GCSAML: variants seen among roughly 807,000 people sequenced by gnomAD.
The protein encoded by GCSAML is germinal center associated signaling and motility like.
In GCSAML, 9 loss-of-function variants were observed where a neutral mutation model predicts 13.0. The ratio of observed to expected loss-of-function variants is 0.69; its 90% CI spans 0.42 to 1.21. The LOEUF is 1.21. Ranked by LOEUF, GCSAML falls within the 50% of genes most tolerant of loss-of-function variation. The pLI, the probability that GCSAML is intolerant of heterozygous loss-of-function variation, is 0.00. For missense variants in GCSAML, 143 were observed against 153.4 expected, an observed-to-expected ratio of 0.93 and a Z score of 0.36; for synonymous variants, 37 against 52.9, an observed-to-expected ratio of 0.70 and a Z score of 1.31.
chr1:247,517,993 A>G (rs944266590), intron 1 of GCSAML, among the ~76,000 whole-genome samples: 19 of 152,140 alleles, frequency 1.2e-4, no homozygotes, highest in Admixed American at 1.0e-3. Context: ...CAACTGCACC[A>G]ACGTCCTCCT....
intron 2 of GCSAML, among the ~76,000 whole-genome samples, chr1:247,563,194 G>A (rs1020847543): frequency 3.9e-5 from 6 of 151,956 alleles, no homozygotes; most frequent in East Asian, 1.9e-4. Flanking sequence ...GTTAGAATTC[G>A]TAAGACCCTC....
At chr1:247,515,887 C>T (rs1666193843) in intron 1 of GCSAML, among the ~76,000 whole-genome samples, 1 of 152,190 alleles carries the variant, frequency 6.6e-6, no homozygotes, top group Non-Finnish European at 1.5e-5. Flanking sequence ...GTAAACCCAG[C>T]AGTGATCAGA....
intron 2 of GCSAML, among the ~76,000 whole-genome samples, chr1:247,559,562 A>G (rs903059137): frequency 6.6e-6 from 1 of 152,094 alleles, no homozygotes; most frequent in African/African-American, 2.4e-5. Flanking sequence ...TCGGATAGGG[A>G]GGATAGAGGG....
chr1:247,532,599 C>T, intron 2 of GCSAML: 1 of 1,231,156 alleles, frequency 8.1e-7, no homozygotes, highest in African/African-American at 1.5e-5. Context: ...CATCAGTTAG[C>T]AAACATTAAA....
In GCSAML at chr1:247,527,705, A is replaced by G. The variant is rs1383938362; in HGVS notation, c.-148+651A>G. On this transcript the variant is annotated intron_variant, in intron 2 of 5. Transcript: ENST00000366489. The surrounding 1 kb of genome is among the most constrained non-coding windows in gnomAD (Gnocchi z 4.6). ...TAGTGATCAGATAAGTGTGATTAGAATATCCATCATCTCAAACATTTATCG... is the reference window on the plus strand; with the variant it reads ...TAGTGATCAGATAAGTGTGATTAGAGTATCCATCATCTCAAACATTTATCG... 6.6e-6 allele frequency: 1 copy of G among 152,234 alleles called. No homozygotes were observed. Among genetic ancestry groups the G allele is most frequent in the Non-Finnish European group, 1.5e-5 (1 of 68,054 alleles). 9.4% of individuals were successfully genotyped at this position (152,234 alleles called of 1,614,324 possible).
intron 1 of GCSAML, among the ~76,000 whole-genome samples, chr1:247,549,824 A>G (rs978509598): frequency 1.5e-4 from 23 of 152,216 alleles, no homozygotes; most frequent in African/African-American, 5.6e-4. Flanking sequence ...TTCATAATTT[A>G]TAGAATGTGT....
In GCSAML at chr1:247,577,166, A is replaced by C. The variant is rs1668868012; in HGVS notation, c.*2784A>C. ...GCTTTTTAACCTGTAAATTTTGTGA[A>C]GCTTATCTTTTATGCATATAAATAT... is the stretch of plus-strand genomic sequence containing the variant. On this transcript the variant is annotated 3_prime_UTR_variant, in exon 5 of 5. Transcript: ENST00000366488. The C allele has an allele frequency of 6.6e-6, 1 of 152,204 alleles. No homozygotes were observed. The highest frequency in any genetic ancestry group is 2.4e-5 in the African/African-American group (1 of 41,452). The allele number at this position is 152,204 out of a possible 1,614,324, so 9.4% of individuals were successfully genotyped here. A position where few individuals can be genotyped will look rare whatever the true frequency, so the allele number is the denominator to read the frequency against.
intron 2 of GCSAML, among the ~76,000 whole-genome samples, chr1:247,559,554 G>A (rs1302805621): frequency 1.3e-5 from 2 of 152,100 alleles, no homozygotes; most frequent in Non-Finnish European, 2.9e-5. Context: ...GCTTCCTCTC[G>A]GATAGGGAGG....
At chr1:247,519,256 T>A (rs1666332849) in intron 1 of GCSAML, 1 of 152,226 alleles carries the variant, frequency 6.6e-6, no homozygotes, top group Admixed American at 6.5e-5. Context: ...GAAAGATAGA[T>A]GCTGCTACTT....
At chr1:247,532,036 A>G in intron 2 of GCSAML, 1 of 1,613,950 alleles carries the variant, frequency 6.2e-7, no homozygotes, top group Non-Finnish European at 8.5e-7. Context: ...CGTGGAGCCC[A>G]CCATGCTGGT....
intron 1 of GCSAML, among the ~76,000 whole-genome samples, chr1:247,550,330 T>A (rs920297987): frequency 6.6e-6 from 1 of 152,172 alleles, no homozygotes; most frequent in Non-Finnish European, 1.5e-5. Flanking sequence ...TTCAGTAAAT[T>A]GCTATTTGTT....
At chr1:247,539,665 A>G (rs1368132619) in intron 2 of GCSAML, among the ~76,000 whole-genome samples, 2 of 152,224 alleles carry the variant, frequency 1.3e-5, no homozygotes, top group Non-Finnish European at 2.9e-5. Context: ...CCTCGGCCTC[A>G]AACATTGACC....
chr1:247,531,981 G>C lies in GCSAML; in HGVS notation c.-148+4927G>C, dbSNP rs58515573. 3,312 of 1,614,138 alleles carry C rather than the reference G, an allele frequency of 2.1e-3. 48 individuals carry two copies. In the African/African-American group the frequency reaches 0.04, roughly 19 times the overall value. On this transcript the variant is annotated intron_variant, in intron 2 of 5. Transcript: ENST00000366489. Reference sequence around the variant, plus strand: ...TAATGAGGGGCATCTCGCAAAAGAAGTGGTCGATGCAATTGTTCCCACACA... The same window carrying C: ...TAATGAGGGGCATCTCGCAAAAGAACTGGTCGATGCAATTGTTCCCACACA...
At position 247,526,984 on chromosome 1, in the gene GCSAML, C is replaced by A. The variant is rs1353535415; in HGVS notation, c.-218C>A. 2 of 456,698 alleles carry A rather than the reference C, an allele frequency of 4.4e-6. No homozygotes were observed. The highest frequency in any genetic ancestry group is 4.4e-6 in the Non-Finnish European group (1 of 226,968). The allele number at this position is 456,698 out of a possible 1,614,324, so 28.3% of individuals were successfully genotyped here. ...GTTATGTTGGAGGATTCCAATAGTT[C>A]TACTGGATGTGGAGCCAGAAATTGT... is the stretch of plus-strand genomic sequence containing the variant. On this transcript the variant is annotated 5_prime_UTR_variant, in exon 2 of 6. Coordinates refer to the GCSAML transcript ENST00000366489. The surrounding 1 kb of genome is among the most constrained non-coding windows in gnomAD (Gnocchi z 4.8).
At chr1:247,510,664 A>T (rs1401002994) in intron 1 of GCSAML, among the ~76,000 whole-genome samples, 1 of 152,060 alleles carries the variant, frequency 6.6e-6, no homozygotes, top group African/African-American at 2.4e-5. Context: ...TCTAAACACT[A>T]TCTTAGTTGT....
At chr1:247,571,643 C>T (rs193290444) in intron 4 of GCSAML, among the ~76,000 whole-genome samples, 214 of 152,274 alleles carry the variant, frequency 1.4e-3, no homozygotes, top group African/African-American at 5.1e-3. Flanking sequence ...TTTTTTCCTT[C>T]ATTTCAACGT....
chr1:247,532,569 C>T, intron 2 of GCSAML: 4 of 1,506,222 alleles, frequency 2.7e-6, no homozygotes, highest in Non-Finnish European at 1.8e-6. Flanking sequence ...GCATACAGGG[C>T]ATGAGACATG....
At chr1:247,524,109 C>T (rs538218961) in intron 1 of GCSAML, among the ~76,000 whole-genome samples, 3 of 152,052 alleles carry the variant, frequency 2.0e-5, no homozygotes, top group Non-Finnish European at 2.9e-5. Context: ...TCTGGAAGAT[C>T]GCAGGCCATT....
intron 1 of GCSAML, among the ~76,000 whole-genome samples, chr1:247,550,304 T>C (rs55767407): frequency 0.33 from 50,745 of 152,060 alleles, 11,071 homozygotes; most frequent in African/African-American, 0.62. Context: ...TGTCCCTTGA[T>C]GTCTTCATTT....
Sources: allele counts gnomAD v4.1 joint callset (sites outside exome capture counted in the v4.1 genomes callset), GRCh38; gene constraint gnomAD v4.1.1; non-coding constraint Gnocchi (gnomAD v3.1); transcripts MANE v1.5; gene names NCBI Gene and HGNC (gene_info 2026-07-23, HGNC 2026-07-21).